Variants in BIRC6 observed in about 807,000 individuals in gnomAD.
BIRC6 encodes dual E2 ubiquitin-conjugating enzyme/E3 ubiquitin-protein ligase BIRC6.
BIRC6 carries 98 observed loss-of-function variants against 503.3 expected under a neutral mutation model. That is an observed-to-expected ratio of 0.19 (90% CI 0.17 to 0.23). The LOEUF (loss-of-function observed/expected upper bound fraction) is 0.23, where lower values mean the gene tolerates loss of function less well. Ranked by LOEUF, BIRC6 falls within the 10% of genes least tolerant of loss-of-function variation. The pLI is 1.00. For synonymous variants in BIRC6, 2,240 were observed against 2,078.7 expected (o/e 1.08, Z -2.11); for missense variants, 5,360 against 5,806.0 (o/e 0.92, Z 2.50).
intron 61 of BIRC6, among the ~76,000 whole-genome samples, chr2:32,540,437 G>A (rs747845152): frequency 1.3e-4 from 19 of 151,882 alleles, no homozygotes; most frequent in Non-Finnish European, 2.4e-4. Context: ...AAGTGAGCAC[G>A]TCCTTATTAG....
chr2:32,433,108 C>T (rs1167202717), intron 12 of BIRC6, among the ~76,000 whole-genome samples: 1 of 152,090 alleles, frequency 6.6e-6, no homozygotes, highest in East Asian at 1.9e-4. Context: ...AGGTTTTGGC[C>T]TGAGTTCACT....
chr2:32,419,613 A>G (rs2042730906), intron 10 of BIRC6, among the ~76,000 whole-genome samples: 1 of 152,158 alleles, frequency 6.6e-6, no homozygotes, highest in African/African-American at 2.4e-5. Context: ...TGCAGTTATG[A>G]TACTTGACAA....
rs192638018 is a variant in BIRC6 at position 32,392,894 on chromosome 2, C to A, written c.951+744C>A. 1.1e-3 allele frequency among the ~76,000 whole-genome samples: 174 copies of A among 152,044 alleles called. 3 individuals carry two copies. Among genetic ancestry groups the A allele is most frequent in the Admixed American group, 0.011 (173 of 15,270 alleles). ...TGCTCAAGTGATCTACGCACCTCAT[C>A]CTCCCCAAAGTGTTGGGATTATAAG... On this transcript the variant is annotated intron_variant, in intron 5 of 73. Coordinates refer to ENST00000421745, the MANE Select transcript of BIRC6 (RefSeq NM_016252.4).
chr2:32,500,948 G>C (rs936166647), intron 46 of BIRC6, among the ~76,000 whole-genome samples: 11 of 151,952 alleles, frequency 7.2e-5, no homozygotes, highest in African/African-American at 2.7e-4. Flanking sequence ...TGTTAGCCAG[G>C]CTGGTCTTGA....
At chr2:32,416,270 T>A (rs894555796) in intron 10 of BIRC6, 107 bp downstream of exon 10, 22 of 1,186,626 alleles carry the variant, frequency 1.9e-5, no homozygotes, top group Non-Finnish European at 2.5e-5. Flanking sequence ...TGGGGAGGAA[T>A]TAATTTTTTT....
intron 4 of BIRC6, among the ~76,000 whole-genome samples, chr2:32,390,088 T>C (rs2039017786): frequency 6.6e-6 from 1 of 152,106 alleles, no homozygotes; most frequent in African/African-American, 2.4e-5. Flanking sequence ...TCGAACTCCC[T>C]ACCTCAGGTG....
At chr2:32,516,610 G>T (rs2055072517) in intron 55 of BIRC6, among the ~76,000 whole-genome samples, 1 of 150,094 alleles carries the variant, frequency 6.7e-6, no homozygotes, top group Admixed American at 6.6e-5. Context: ...AAAAAAAGTG[G>T]AAGATAATTT....
At chr2:32,517,481 C>T (rs1368313117) in intron 55 of BIRC6, among the ~76,000 whole-genome samples, 3 of 152,192 alleles carry the variant, frequency 2.0e-5, no homozygotes, top group Non-Finnish European at 4.4e-5. Flanking sequence ...GGGCATGATT[C>T]TAGGTATTTG....
At chr2:32,373,542 A>G (rs1351026255) in intron 1 of BIRC6, among the ~76,000 whole-genome samples, 2 of 152,344 alleles carry the variant, frequency 1.3e-5, no homozygotes, top group Admixed American at 1.3e-4. Flanking sequence ...TGCAAAAAGT[A>G]TAAAGTTGGA....
intron 66 of BIRC6, among the ~76,000 whole-genome samples, 153 bp downstream of exon 66, chr2:32,575,519 C>G (rs1169513346): frequency 6.6e-6 from 1 of 152,168 alleles, no homozygotes; most frequent in Non-Finnish European, 1.5e-5. Flanking sequence ...AATCCCAGCA[C>G]TGTGGGAGGC....
chr2:32,506,436 G>A (rs1487117239), intron 50 of BIRC6, among the ~76,000 whole-genome samples: 4 of 152,332 alleles, frequency 2.6e-5, no homozygotes, highest in Non-Finnish European at 2.9e-5. Context: ...AGGAAAATAT[G>A]CTAGTACACG....
At position 32,611,428 on chromosome 2, in the gene BIRC6, C is replaced by G; in HGVS notation, c.14260-20C>G. 6.3e-7 allele frequency: 1 copy of G among 1,587,038 alleles called. No homozygotes were observed. The highest frequency in any genetic ancestry group is 8.6e-7 in the Non-Finnish European group (1 of 1,164,370). On this transcript the variant is annotated intron_variant, in intron 72 of 73. Transcript: ENST00000421745. ...TTTGACTGTAAACACTGCTTGTTCT[C>G]CTGTTTACTTTTTCTCAAGGTAATA...
chr2:32,562,258 CAT>C (rs937934726), intron 65 of BIRC6, among the ~76,000 whole-genome samples: 1 of 152,040 alleles, frequency 6.6e-6, no homozygotes, highest in Non-Finnish European at 1.5e-5. Context: ...ATTTTTAAAA[CAT>C]AAACATATCT....
At chr2:32,559,610 C>T (rs986333441) in intron 65 of BIRC6, among the ~76,000 whole-genome samples, 6 of 151,468 alleles carry the variant, frequency 4.0e-5, no homozygotes, top group East Asian at 1.9e-4. Context: ...TGCTGACCAC[C>T]GGTACACATT....
chr2:32,408,632 C>A (rs1183491815), intron 9 of BIRC6, among the ~76,000 whole-genome samples: 9 of 152,072 alleles, frequency 5.9e-5, no homozygotes. Context: ...ATTTTCTTAC[C>A]CTTTTTCTAC....
chr2:32,386,387 G>A (rs546863492), intron 3 of BIRC6, among the ~76,000 whole-genome samples: 1 of 151,660 alleles, frequency 6.6e-6, no homozygotes, highest in Non-Finnish European at 1.5e-5. Flanking sequence ...ATTTACAACA[G>A]TCCAGTAAAG....
rs748802036 is a variant in BIRC6, at chr2:32,415,967, A to G, written c.2676A>G (p.Glu892=). Reference sequence around the variant, plus strand: ...CCTCAAAGAATGGTTTTGAGAGAGAAAAAACGTCTGACATTTCTACTCTTG... The same window carrying G: ...CCTCAAAGAATGGTTTTGAGAGAGAGAAAACGTCTGACATTTCTACTCTTG... ...QLTSKNGFER[E]KTSDISTLGH... The change falls in exon 10 of 74, where the codon GAA becomes GAG. Residue 892 remains glutamate (E), a synonymous_variant. Transcript: ENST00000421745. The G allele has an allele frequency of 6.2e-7, 1 of 1,613,876 alleles. No homozygotes were observed. Among genetic ancestry groups the G allele is most frequent in the Admixed American group, 1.7e-5 (1 of 60,008 alleles).
chr2:32,415,081 C>A lies in BIRC6; in HGVS notation c.1790C>A (p.Thr597Asn). 6.2e-7 allele frequency: 1 copy of A among 1,613,902 alleles called. No individual in the cohort carries two copies. Among genetic ancestry groups the A allele is most frequent in the Non-Finnish European group, 8.5e-7 (1 of 1,179,838 alleles). ...SHRSLDGLSR[T>N]QGESISEQGS... Reference sequence around the variant, plus strand: ...AGGTCACTGGATGGTTTAAGCAGAACTCAGGGTGAAAGTATATCAGAACAA... The same window carrying A: ...AGGTCACTGGATGGTTTAAGCAGAAATCAGGGTGAAAGTATATCAGAACAA... Residue 597 changes from threonine (T) to asparagine (N), a missense_variant, in exon 10 of 74, where the codon ACT (threonine) becomes AAT (asparagine). Physicochemically the swap from Thr to Asn is moderately conservative, Grantham distance 65. This residue lies in a region of BIRC6 where 700 missense variants were observed against 739.3 expected (regional missense o/e 0.95). Transcript: ENST00000421745.
intron 6 of BIRC6, among the ~76,000 whole-genome samples, chr2:32,399,019 A>T (rs946957703): frequency 1.3e-5 from 2 of 152,146 alleles, no homozygotes; most frequent in Non-Finnish European, 2.9e-5. Context: ...TTTGCCATGG[A>T]AATAAAACAA....
Sources: gnomAD v4.1 joint callset for allele counts (sites outside exome capture counted in the v4.1 genomes callset) on GRCh38, gnomAD v4.1.1 for gene constraint, gnomAD v4.1.1 regional missense constraint, MANE v1.5 for transcripts, NCBI Gene and HGNC (gene_info 2026-07-23, HGNC 2026-07-21) for gene names.